RCAN2: variants seen among roughly 807,000 people sequenced by gnomAD.
The protein encoded by RCAN2 is calcipressin-2.
RCAN2 carries 9 observed loss-of-function variants against 23.6 expected under a neutral mutation model. That is an observed-to-expected ratio of 0.38 (90% CI 0.23 to 0.67). The LOEUF (loss-of-function observed/expected upper bound fraction) is 0.67, where lower values mean the gene tolerates loss of function less well. Ranked by LOEUF, RCAN2 falls within the 30% of genes least tolerant of loss-of-function variation. The probability of loss-of-function intolerance (pLI) is 0.51; values close to 1 mark genes in which losing one functional copy is unlikely to be tolerated. For missense variants in RCAN2, 273 were observed against 302.3 expected, an observed-to-expected ratio of 0.90 and a Z score of 0.72; for synonymous variants, 109 against 115.7, an observed-to-expected ratio of 0.94 and a Z score of 0.37.
chr6:46,481,086 T>C (rs1024337400), intron 1 of RCAN2, among the ~76,000 whole-genome samples: 2 of 152,182 alleles, frequency 1.3e-5, no homozygotes, highest in Admixed American at 6.5e-5. Context: ...CAAGCCATAG[T>C]GATGAGTGTA....
chr6:46,357,895 G>A (rs1001362730), intron 2 of RCAN2, among the ~76,000 whole-genome samples: 2 of 152,170 alleles, frequency 1.3e-5, no homozygotes, highest in Admixed American at 6.5e-5. Flanking sequence ...CTTGTCCAGG[G>A]CAGGAAGAAA....
At chr6:46,365,530 A>G (rs1430938125) in intron 2 of RCAN2, among the ~76,000 whole-genome samples, 3 of 152,152 alleles carry the variant, frequency 2.0e-5, no homozygotes, top group East Asian at 3.9e-4. Context: ...AAAGAAAAAA[A>G]AGAGAAATTG....
chr6:46,485,300 G>A (rs1768967884), intron 1 of RCAN2, among the ~76,000 whole-genome samples: 1 of 152,164 alleles, frequency 6.6e-6, no homozygotes, highest in African/African-American at 2.4e-5. Context: ...TCATATGAAA[G>A]TTATTTTAAA....
At chr6:46,483,251 G>T (rs1351337090) in intron 1 of RCAN2, among the ~76,000 whole-genome samples, 1 of 152,204 alleles carries the variant, frequency 6.6e-6, no homozygotes, top group African/African-American at 2.4e-5. Flanking sequence ...TTGGCTCGAT[G>T]AAGGTAATTT....
chr6:46,230,791 G>T (rs1296141784), intron 4 of RCAN2, among the ~76,000 whole-genome samples: 2 of 152,186 alleles, frequency 1.3e-5, no homozygotes, highest in Non-Finnish European at 2.9e-5. Context: ...CCAGTGAGAT[G>T]AACCTGGTAC....
intron 2 of RCAN2, among the ~76,000 whole-genome samples, chr6:46,296,367 AC>A (rs1392996975): frequency 3.3e-5 from 5 of 151,978 alleles, no homozygotes; most frequent in Non-Finnish European, 7.4e-5. Flanking sequence ...ACTTCTTGTG[AC>A]CTTCCCTGGT....
chr6:46,416,502 CTG>C (rs1161822549), intron 2 of RCAN2, among the ~76,000 whole-genome samples: 1 of 150,980 alleles, frequency 6.6e-6, no homozygotes, highest in Non-Finnish European at 1.5e-5. Flanking sequence ...TGAAAGTTGT[CTG>C]ATTGCCTTTT....
At chr6:46,257,528 A>G (rs1311090479) in intron 2 of RCAN2, among the ~76,000 whole-genome samples, 1 of 152,196 alleles carries the variant, frequency 6.6e-6, no homozygotes, top group Admixed American at 6.5e-5. Flanking sequence ...CACGTCTTAC[A>G]TGGCAGCAGG....
At chr6:46,430,190 C>T (rs1450396577) in intron 2 of RCAN2, among the ~76,000 whole-genome samples, 1 of 152,138 alleles carries the variant, frequency 6.6e-6, no homozygotes, top group Admixed American at 6.5e-5. Context: ...GAGACAACTG[C>T]AATAGTCGAG....
chr6:46,233,874 C>T (rs1459957800), intron 4 of RCAN2, among the ~76,000 whole-genome samples: 1 of 151,962 alleles, frequency 6.6e-6, no homozygotes, highest in Non-Finnish European at 1.5e-5. Flanking sequence ...ATTACAGGCA[C>T]CTACGATCAC....
At chr6:46,244,184 G>C (rs1008329655) in intron 4 of RCAN2, among the ~76,000 whole-genome samples, 3 of 152,190 alleles carry the variant, frequency 2.0e-5, no homozygotes, top group African/African-American at 7.2e-5. Flanking sequence ...CTATAGATTA[G>C]CTGTAACATT....
chr6:46,428,317 A>T (rs892039124), intron 2 of RCAN2, among the ~76,000 whole-genome samples: 5 of 152,210 alleles, frequency 3.3e-5, no homozygotes, highest in African/African-American at 1.2e-4. Flanking sequence ...CCAAAAAAAA[A>T]GTCCCTCACC....
At chr6:46,488,984 A>G (rs977809796) in intron 1 of RCAN2, among the ~76,000 whole-genome samples, 1 of 152,216 alleles carries the variant, frequency 6.6e-6, no homozygotes, top group Non-Finnish European at 1.5e-5. Flanking sequence ...AATGTAAGTT[A>G]GATGAAATCA....
At chr6:46,287,074 A>T (rs1385792342) in intron 2 of RCAN2, among the ~76,000 whole-genome samples, 3 of 152,128 alleles carry the variant, frequency 2.0e-5, no homozygotes, top group African/African-American at 7.2e-5. Flanking sequence ...CACTGTGGTT[A>T]TCTAGGAAGT....
chr6:46,431,205 A>ATT (rs1196178734), intron 2 of RCAN2, among the ~76,000 whole-genome samples: 21 of 151,770 alleles, frequency 1.4e-4, no homozygotes, highest in South Asian at 6.3e-4. Context: ...GTATTTTTAA[A>ATT]AAAAAAAACT....
At chr6:46,458,739 A>C (rs1462434123) in intron 1 of RCAN2, among the ~76,000 whole-genome samples, 1 of 152,212 alleles carries the variant, frequency 6.6e-6, no homozygotes, top group African/African-American at 2.4e-5. Flanking sequence ...ATTTTCTTTC[A>C]TATTTATTTA....
At chr6:46,352,401 AC>A (rs923070749) in intron 2 of RCAN2, among the ~76,000 whole-genome samples, 1 of 151,980 alleles carries the variant, frequency 6.6e-6, no homozygotes, top group African/African-American at 2.4e-5. Flanking sequence ...CCTCCATCCC[AC>A]CCCGTCCTCC....
At chr6:46,354,891 TTATA>T (rs1218658331) in intron 2 of RCAN2, among the ~76,000 whole-genome samples, 2 of 141,514 alleles carry the variant, frequency 1.4e-5, no homozygotes, top group African/African-American at 5.5e-5. Context: ...AGGAAAAAGA[TTATA>T]TATGTGTGTG....
At chr6:46,427,431 CA>C (rs1767060330) in intron 2 of RCAN2, among the ~76,000 whole-genome samples, 1 of 152,098 alleles carries the variant, frequency 6.6e-6, no homozygotes, top group East Asian at 1.9e-4. Flanking sequence ...TTTCCCATTG[CA>C]TAGTTATTAA....
Sources: gnomAD v4.1 joint callset for allele counts (sites outside exome capture counted in the v4.1 genomes callset) on GRCh38, gnomAD v4.1.1 for gene constraint, MANE v1.5 for transcripts, NCBI Gene and HGNC (gene_info 2026-07-23, HGNC 2026-07-21) for gene names.